SRCAP: variants seen among roughly 807,000 people sequenced by gnomAD.
SRCAP encodes the protein Snf2 related CREBBP activator protein, also known as chromatin remodeling protein SRCAP.
A neutral mutation model predicts 263.1 loss-of-function variants in SRCAP; 46 were observed. That is an observed-to-expected ratio of 0.17 (90% CI 0.14 to 0.22). The LOEUF (loss-of-function observed/expected upper bound fraction) is 0.22, where lower values mean the gene tolerates loss of function less well. SRCAP is among the 10% of genes least tolerant of loss of function. The probability of loss-of-function intolerance (pLI) is 1.00; values close to 1 mark genes in which losing one functional copy is unlikely to be tolerated. For missense variants in SRCAP, 3,695 were observed against 4,181.9 expected (o/e 0.88, Z 3.21); for synonymous variants, 1,813 against 1,662.1 (o/e 1.09, Z -2.21).
chr16:30,709,961 C>T lies in SRCAP; in HGVS notation c.967C>T (p.Leu323=), dbSNP rs371751004. ...DAEAQRREIE[L]LRREGELPLE... is the part of the protein sequence containing the mutation. ...AGAGGCCCAGAGGCGTGAGATTGAG[C>T]TGCTTCGCCGTGAGGGAGAATTGCC... is the stretch of plus-strand genomic sequence containing the variant. The change falls in exon 8 of 34, where the codon CTG becomes TTG. Residue 323 remains leucine, a synonymous_variant. Transcript: ENST00000262518. 79 of 1,614,108 alleles carry T rather than the reference C, an allele frequency of 4.9e-5. No homozygotes were observed. The highest frequency in any genetic ancestry group is 6.2e-5 in the Non-Finnish European group (73 of 1,180,054).
rs2053171853 is a variant in SRCAP at position 30,737,455 on chromosome 16, A to G, written c.7415A>G (p.Asn2472Ser). The G allele has an allele frequency of 6.3e-7, 1 of 1,590,820 alleles. No homozygotes were observed. The highest frequency in any genetic ancestry group is 8.6e-7 in the Non-Finnish European group (1 of 1,165,470). ...VSAPVPISAP[N>S]PITILPVHIL... ...GCCCCAGTACCCATTTCAGCCCCAA[A>G]TCCAATAACCATTCTCCCTGTCCAT... Residue 2472 changes from asparagine (N) to serine (S), a missense_variant, in exon 34 of 34, where the codon AAT becomes AGT. Asn to Ser is a conservative substitution (Grantham distance 46, BLOSUM62 1). Around this residue, in one of 12 missense-constraint regions of SRCAP, gnomAD observed 1,207 missense variants for 1,142.9 expected, o/e 1.06. Transcript: ENST00000262518.
rs889630101 is a variant in SRCAP at position 30,707,485 on chromosome 16, A to G, written c.493-87A>G. The G allele has an allele frequency of 5.0e-6, 8 of 1,605,626 alleles. No individual in the cohort carries two copies. The Admixed American group carries it at 1.2e-4, about 24-fold the overall frequency. The stretch of plus-strand genomic sequence containing the variant: ...ATTAAGAGCAAACTCTTGATTTTCC[A>G]GATTTCTTGGCCTTGATTATTTTCT... On this transcript the variant is annotated intron_variant, in intron 5 of 33. Transcript: ENST00000262518.
chr16:30,711,766 A>T (rs773609801), intron 11 of SRCAP, 22 bp downstream of exon 11: 2 of 1,610,854 alleles, frequency 1.2e-6, no homozygotes, highest in South Asian at 2.2e-5. Flanking sequence ...GTCATGAAGC[A>T]GGAGCTGGGG....
At chr16:30,728,655 G>A (rs1447908976) in intron 25 of SRCAP, among the ~76,000 whole-genome samples, 4 of 152,208 alleles carry the variant, frequency 2.6e-5, no homozygotes, top group Non-Finnish European at 5.9e-5. Context: ...TGTTGGAATT[G>A]TAGATCTTAA....
intron 21 of SRCAP, 93 bp from the exon 22 acceptor site, chr16:30,722,029 G>A: frequency 6.8e-7 from 1 of 1,476,150 alleles, no homozygotes; most frequent in Non-Finnish European, 9.2e-7. Flanking sequence ...TGTTTGAACT[G>A]GACACTCGGG....
At chr16:30,720,134 T>C (rs1175994435) in intron 18 of SRCAP, 28 bp from the exon 19 acceptor site, 2 of 1,595,722 alleles carry the variant, frequency 1.3e-6, no homozygotes, top group Admixed American at 1.7e-5. Flanking sequence ...TGTTCTTCTT[T>C]ATGACTGTGC....
chr16:30,703,938 A>G (rs2052797000), intron 3 of SRCAP, 126 bp from the exon 4 acceptor site: 1 of 1,161,374 alleles, frequency 8.6e-7, no homozygotes, highest in Admixed American at 2.9e-5. Flanking sequence ...GTTTGTGTTT[A>G]TGAAAATAAG....
In SRCAP at chr16:30,704,052, C is replaced by T. The variant is rs374164117; in HGVS notation, c.55-12C>T. 38 of 1,601,844 alleles carry T rather than the reference C, an allele frequency of 2.4e-5. 1 individual carries two copies. The highest frequency in any genetic ancestry group is 1.1e-4 in the African/African-American group (8 of 74,538). ...AAGCATTTATTTTCTCCATCATTTT[C>T]CTCTTTTCTAGATGGTGTCGGACGG... is the stretch of plus-strand genomic sequence containing the variant. On this transcript the variant is annotated splice_polypyrimidine_tract_variant and intron_variant, in intron 3 of 33. Transcript: ENST00000262518.
In SRCAP at chr16:30,740,029, A is replaced by G. The variant is rs1003588420; in HGVS notation, c.*296A>G. On this transcript the variant is annotated 3_prime_UTR_variant, in exon 34 of 34. Coordinates refer to ENST00000262518, the MANE Select transcript of SRCAP (RefSeq NM_006662.3). The stretch of plus-strand genomic sequence containing the variant: ...CCAGCTGTCTTTCACACAGCCCCCC[A>G]CCCTTAGGGGAAGGGGGAGGGGCTT... 8.6e-6 allele frequency: 2 copies of G among 231,756 alleles called. No individual in the cohort carries two copies. The highest frequency in any genetic ancestry group is 1.2e-4 in the Admixed American group (2 of 16,220). The allele number at this position is 231,756 out of a possible 1,614,324, so 14.4% of individuals were successfully genotyped here. A position where few individuals can be genotyped will look rare whatever the true frequency, so the allele number is the denominator to read the frequency against.
At position 30,738,778 on chromosome 16, in the gene SRCAP, T is replaced by C; in HGVS notation, c.8738T>C (p.Ile2913Thr). The C allele has an allele frequency of 1.9e-6, 3 of 1,613,922 alleles. No homozygotes were observed. The highest frequency in any genetic ancestry group is 1.3e-5 in the African/African-American group (1 of 75,046). The change falls in exon 34 of 34, where the codon ATT (isoleucine) becomes ACT (threonine). Residue 2913 changes from isoleucine (I) to threonine (T), a missense_variant. This residue lies in a region of SRCAP where 1,207 missense variants were observed against 1,142.9 expected (regional missense o/e 1.06). Transcript: ENST00000262518. The part of the protein sequence containing the change: ...VADPVLEPQL[I>T]PGPQPLGPQP... ...GATCCTGTCCTGGAACCACAGCTTA[T>C]TCCTGGGCCCCAGCCTCTTGGACCC... is the stretch of plus-strand genomic sequence containing the variant.
At chr16:30,717,684 C>G (rs2151291170) in intron 18 of SRCAP, among the ~76,000 whole-genome samples, 1 of 127,774 alleles carries the variant, frequency 7.8e-6, no homozygotes, top group African/African-American at 3.0e-5. Flanking sequence ...GCCATCTTGG[C>G]TTACTGCAAC....
rs775481731 is a variant in SRCAP at position 30,724,561 on chromosome 16, A to C, written c.5137A>C (p.Thr1713Pro). 6.2e-6 allele frequency: 10 copies of C among 1,613,886 alleles called. No homozygotes were observed. The highest frequency in any genetic ancestry group is 8.5e-6 in the Non-Finnish European group (10 of 1,180,016). Reference protein sequence around the residue: ...GTGNPQGPFPTQTLSLTPASS... With the variant: ...GTGNPQGPFPPQTLSLTPASS... ...GGGGAACCCCCAGGGACCCTTTCCA[A>C]CTCAGACATTGTCATTAACTCCAGC... Residue 1713 changes from threonine (T) to proline (P), a missense_variant, in exon 25 of 34, where the codon ACT becomes CCT. Physicochemically the swap from Thr to Pro is conservative, Grantham distance 38. Transcript: ENST00000262518.
At chr16:30,734,247 G>T in intron 30 of SRCAP, 1 of 626,968 alleles carries the variant, frequency 1.6e-6, no homozygotes, top group East Asian at 2.9e-5. Context: ...GAAGGCTGAG[G>T]CAGGAGAATC....
rs750517323 is a variant in SRCAP at position 30,713,241 on chromosome 16, A to G, written c.2164A>G (p.Ile722Val). The change falls in exon 15 of 34, where the codon ATC becomes GTC. Residue 722 changes from isoleucine (I) to valine (V), a missense_variant. Ile to Val is a conservative substitution (Grantham distance 29, BLOSUM62 3). Around this residue, in one of 12 missense-constraint regions of SRCAP, gnomAD observed 121 missense variants for 330.7 expected, o/e 0.37. Coordinates refer to ENST00000262518, the MANE Select transcript of SRCAP (RefSeq NM_006662.3). ...WTKPNAFHVC[I>V]TSYKLVLQDH... The stretch of plus-strand genomic sequence containing the variant: ...CAAGCCCAATGCCTTTCATGTGTGT[A>G]TCACATCTTACAAGCTGGTGCTGCA... 1.2e-6 allele frequency: 2 copies of G among 1,614,076 alleles called. No homozygotes were observed. Among genetic ancestry groups the G allele is most frequent in the Non-Finnish European group, 1.7e-6 (2 of 1,180,036 alleles).
In SRCAP at chr16:30,724,094, G is replaced by A; in HGVS notation, c.4670G>A (p.Ser1557Asn). Residue 1557 changes from serine to asparagine, a missense_variant, in exon 25 of 34, where the codon AGT becomes AAT. Ser to Asn is a conservative substitution (Grantham distance 46). Transcript: ENST00000262518. ...PVLVPASALA[S>N]PFPSAPNPAP... ...CTGGTGCCAGCTTCGGCTCTGGCCA[G>A]TCCTTTTCCGTCAGCACCAAATCCA... 1 of 1,613,622 alleles carries A rather than the reference G, an allele frequency of 6.2e-7. No individual in the cohort carries two copies. The highest frequency in any genetic ancestry group is 8.5e-7 in the Non-Finnish European group (1 of 1,180,024).
In SRCAP at chr16:30,721,454, C is replaced by T. The variant is rs368322185; in HGVS notation, c.3519C>T (p.Pro1173=). 181 of 1,611,308 alleles carry T rather than the reference C, an allele frequency of 1.1e-4. 1 individual carries two copies. Among genetic ancestry groups the T allele is most frequent in the Non-Finnish European group, 1.3e-4 (149 of 1,180,022 alleles). ...TPAPQRLILS[P]DMQARLPSGE... is the part of the protein sequence containing the mutation. Reference sequence around the variant, plus strand: ...CACCACAGCGCCTCATTCTATCTCCCGATATGCAGGCTCGCCTGCCCTGTA... The same window carrying T: ...CACCACAGCGCCTCATTCTATCTCCTGATATGCAGGCTCGCCTGCCCTGTA... Residue 1173 remains proline, a synonymous_variant, in exon 21 of 34, where the codon CCC becomes CCT. Transcript: ENST00000262518.
Position 30,738,846 on chromosome 16 carries a change from A to G in SRCAP, c.8806A>G (p.Lys2936Glu). 1 of 1,614,012 alleles carries G rather than the reference A, an allele frequency of 6.2e-7. No individual in the cohort carries two copies. The highest frequency in any genetic ancestry group is 8.5e-7 in the Non-Finnish European group (1 of 1,179,990). The change falls in exon 34 of 34, where the codon AAA becomes GAA. Residue 2936 changes from lysine to glutamate, a missense_variant. Lys to Glu is a moderately conservative substitution (Grantham distance 56, BLOSUM62 1). This residue lies in a region of SRCAP where 1,207 missense variants were observed against 1,142.9 expected (regional missense o/e 1.06). Coordinates refer to ENST00000262518, the MANE Select transcript of SRCAP (RefSeq NM_006662.3). ...RPNPLLSPVE[K>E]RRRGRPPKAR... ...CAATCCCCTCCTGTCACCTGTGGAG[A>G]AAAGAAGGCGAGGACGACCCCCTAA...
At chr16:30,727,868 G>C (rs2053078045) in intron 25 of SRCAP, among the ~76,000 whole-genome samples, 1 of 151,988 alleles carries the variant, frequency 6.6e-6, no homozygotes, top group Admixed American at 6.6e-5. Context: ...TGTATTTTTT[G>C]TAGAGATGCG....
At position 30,725,035 on chromosome 16, in the gene SRCAP, C is replaced by T. The variant is rs2053050637; in HGVS notation, c.5611C>T (p.Arg1871Trp). The change falls in exon 25 of 34, where the codon CGG becomes TGG. Residue 1871 changes from arginine (R) to tryptophan (W), a missense_variant. Arg to Trp is a moderately radical substitution (Grantham distance 101). Transcript: ENST00000262518. ...CACTGCTACCTCGTTTGGTGGCCCCCGGCCTCGACGCCAGCCCCCCCCACC... is the reference window on the plus strand; with the variant it reads ...CACTGCTACCTCGTTTGGTGGCCCCTGGCCTCGACGCCAGCCCCCCCCACC... ...PSTATSFGGPRPRRQPPPPPR... is the reference protein window; with the variant it reads ...PSTATSFGGPWPRRQPPPPPR... 1.2e-6 allele frequency: 2 copies of T among 1,613,380 alleles called. No homozygotes were observed. The highest frequency in any genetic ancestry group is 8.5e-7 in the Non-Finnish European group (1 of 1,179,564).
Sources: gnomAD v4.1 joint callset for allele counts (sites outside exome capture counted in the v4.1 genomes callset) on GRCh38, gnomAD v4.1.1 for gene constraint, gnomAD v4.1.1 regional missense constraint, MANE v1.5 for transcripts, NCBI Gene and HGNC (gene_info 2026-07-23, HGNC 2026-07-21) for gene names.